Variants in IFT46 observed in about 807,000 individuals in gnomAD.
IFT46 encodes intraflagellar transport protein 46 homolog.
A neutral mutation model predicts 39.6 loss-of-function variants in IFT46; 19 were observed. The ratio of observed to expected loss-of-function variants is 0.48; its 90% confidence interval spans 0.33 to 0.70. The LOEUF (loss-of-function observed/expected upper bound fraction) is 0.70, where lower values mean the gene tolerates loss of function less well. Among genes scored for constraint, IFT46 ranks in the 30% least tolerant of loss-of-function variants. The pLI is 0.01. For synonymous variants in IFT46, 117 were observed against 134.8 expected (o/e 0.87, Z 0.91); for missense variants, 334 against 364.8 (o/e 0.92, Z 0.69).
Position 118,545,816 on chromosome 11 carries a change from G to C in IFT46, c.710C>G (p.Ala237Gly). The C allele has an allele frequency of 6.2e-7, 1 of 1,614,190 alleles. No homozygotes were observed. Among genetic ancestry groups the C allele is most frequent in the Non-Finnish European group, 8.5e-7 (1 of 1,180,014 alleles). Reference protein sequence around the residue: ...LPTAEIDCSLAEYIDMICAIL... With the variant: ...LPTAEIDCSLGEYIDMICAIL... ...ACCACAGATCATGTCAATGTACTCTGCCAGGCTGCAATCAATCTCTGCCGT... is the reference window on the plus strand; with the variant it reads ...ACCACAGATCATGTCAATGTACTCTCCCAGGCTGCAATCAATCTCTGCCGT... The change falls in exon 10 of 12, where the codon GCA (alanine) becomes GGA (glycine). Residue 237 changes from alanine to glycine, a missense_variant. Ala to Gly is a moderately conservative substitution (Grantham distance 60). Coordinates refer to ENST00000264021, the MANE Select transcript of IFT46 (RefSeq NM_001168618.2).
chr11:118,561,171 C>T, intron 2 of IFT46: 1 of 1,417,164 alleles, frequency 7.1e-7, no homozygotes, highest in Non-Finnish European at 9.9e-7. Context: ...GTTTTTGGCA[C>T]CCTGAAGGGA....
rs1555066630 is a variant in IFT46 at position 118,544,913 on chromosome 11, G to A, written c.*3C>T. 2 of 1,603,790 alleles carry A rather than the reference G, an allele frequency of 1.2e-6. No homozygotes were observed. Among genetic ancestry groups the A allele is most frequent in the Admixed American group, 1.7e-5 (1 of 59,934 alleles). The stretch of plus-strand genomic sequence containing the variant: ...GCCTTGAAACAGCAGCTTGGGAAGT[G>A]TCTCAGCTGAAGGTTAATGTCTCCA... On this transcript the variant is annotated 3_prime_UTR_variant, in exon 12 of 12. Transcript: ENST00000264021.
intron 9 of IFT46, 94 bp downstream of exon 9, chr11:118,551,691 GT>G: frequency 1.7e-6 from 1 of 594,550 alleles, no homozygotes; most frequent in Non-Finnish European, 2.8e-6. Context: ...AAAAAAAAAA[GT>G]TACCAATAAT....
At chr11:118,547,006 A>G (rs903123551) in intron 9 of IFT46, 8 of 152,222 alleles carry the variant, frequency 5.3e-5, no homozygotes, top group Non-Finnish European at 1.2e-4. Flanking sequence ...ATTTAACAAC[A>G]TATCACTGAT....
upstream of IFT46, among the ~76,000 whole-genome samples, chr11:118,567,027 G>A (rs1490100361): frequency 1.3e-5 from 2 of 151,900 alleles, no homozygotes; most frequent in Non-Finnish European, 2.9e-5. Flanking sequence ...GAGTTCAGGA[G>A]TTTGAGACCA....
At chr11:118,553,435 G>T (rs1437633808) in intron 7 of IFT46, among the ~76,000 whole-genome samples, 1 of 144,768 alleles carries the variant, frequency 6.9e-6, no homozygotes, top group Non-Finnish European at 1.5e-5. Context: ...GAGTAAAACT[G>T]TCTCAAAAAA....
chr11:118,568,285 C>T (rs950726641), upstream of IFT46, among the ~76,000 whole-genome samples: 8 of 152,164 alleles, frequency 5.3e-5, no homozygotes, highest in African/African-American at 1.9e-4. Context: ...TGAAGTGGCT[C>T]ACGCCTGTAA....
In IFT46 at chr11:118,560,434, TGGGAGGGGAA is replaced by T. The variant is rs1456902840; in HGVS notation, c.-35-580_-35-571del. 1.7e-3 allele frequency: 101 copies of T among 58,416 alleles called. 3 individuals are homozygous for T. The highest frequency in any genetic ancestry group is 2.5e-3 in the Admixed American group (9 of 3,558). The allele number at this position is 58,416 out of a possible 1,614,324, so 3.6% of individuals were successfully genotyped here. On this transcript the variant is annotated intron_variant, in intron 2 of 11. Coordinates refer to ENST00000264021, the MANE Select transcript of IFT46 (RefSeq NM_001168618.2). Reference sequence around the variant, plus strand: ...GAGTGAGAGCCTGTCAGAAACGGAATGGGAGGGGAAGGGAGGGGAGGGGAGGGGAGGGGAG... The same window carrying T: ...GAGTGAGAGCCTGTCAGAAACGGAATGGGAGGGGAGGGGAGGGGAGGGGAG...
intron 9 of IFT46, 44 bp from the exon 10 acceptor site, chr11:118,545,897 G>A (rs782249553): frequency 6.4e-7 from 1 of 1,564,728 alleles, no homozygotes; most frequent in Non-Finnish European, 8.8e-7. Flanking sequence ...GATGGTGTCA[G>A]TGGTCCCAGA....
intron 4 of IFT46, among the ~76,000 whole-genome samples, chr11:118,555,860 T>A (rs1004212910): frequency 1.3e-5 from 2 of 151,650 alleles, no homozygotes; most frequent in East Asian, 3.9e-4. Context: ...AAGGCAGAGG[T>A]TGCAGTGAGC....
intron 10 of IFT46, 61 bp downstream of exon 10, chr11:118,545,732 T>C: frequency 1.3e-6 from 2 of 1,533,748 alleles, no homozygotes; most frequent in Admixed American, 3.3e-5. Flanking sequence ...AACAAGCCTG[T>C]CCAAAAGCCT....
chr11:118,548,079 CTT>C (rs1951736706), intron 9 of IFT46, among the ~76,000 whole-genome samples: 1 of 137,994 alleles, frequency 7.2e-6, no homozygotes, highest in Non-Finnish European at 1.5e-5. Flanking sequence ...AGAAGAGTCT[CTT>C]ATTGTTGCCC....
chr11:118,553,275 C>G (rs547180776), intron 7 of IFT46, among the ~76,000 whole-genome samples: 1 of 151,958 alleles, frequency 6.6e-6, no homozygotes, highest in South Asian at 2.1e-4. Flanking sequence ...AACCCTGACT[C>G]TACTAAAAAT....
Position 118,557,054 on chromosome 11 carries a change from G to C in IFT46, c.46-9C>G, listed in dbSNP as rs782060307. ...GAGGTCTTCTTCTTCTCCTGTGATAGGGCAGGGCAGGCATAGAAAGCTTCA... is the reference window on the plus strand; with the variant it reads ...GAGGTCTTCTTCTTCTCCTGTGATACGGCAGGGCAGGCATAGAAAGCTTCA... On this transcript the variant is annotated splice_polypyrimidine_tract_variant and intron_variant, in intron 3 of 11. Transcript: ENST00000264021. 1 of 1,587,202 alleles carries C rather than the reference G, an allele frequency of 6.3e-7. No homozygotes were observed. The highest frequency in any genetic ancestry group is 2.3e-5 in the East Asian group (1 of 44,316).
intron 9 of IFT46, among the ~76,000 whole-genome samples, chr11:118,551,314 C>T (rs1471537513): frequency 6.8e-6 from 1 of 147,522 alleles, no homozygotes; most frequent in Non-Finnish European, 1.5e-5. Flanking sequence ...TGGAGGTTGC[C>T]GTGAGCTGAG....
chr11:118,559,206 A>T (rs1937947580), intron 3 of IFT46, among the ~76,000 whole-genome samples: 1 of 151,968 alleles, frequency 6.6e-6, no homozygotes, highest in Non-Finnish European at 1.5e-5. Flanking sequence ...GTGCAACTCT[A>T]AGGTCCTATA....
At chr11:118,572,637 G>T (rs547050747) in exon 1 of IFT46, 9 of 1,532,250 alleles carry the variant, frequency 5.9e-6, no homozygotes, top group Non-Finnish European at 8.0e-6. Context: ...GGCCGGAGGA[G>T]CCCCGCCCTG....
upstream of IFT46, among the ~76,000 whole-genome samples, chr11:118,568,627 C>T (rs144437068): frequency 6.6e-6 from 1 of 151,880 alleles, no homozygotes; most frequent in East Asian, 1.9e-4. Flanking sequence ...TTTTTTAGGA[C>T]ATTTCATCAT....
chr11:118,574,702 C>G (rs1555073133), upstream of IFT46, among the ~76,000 whole-genome samples: 1 of 152,034 alleles, frequency 6.6e-6, no homozygotes, highest in African/African-American at 2.4e-5. Context: ...AATGCAGAAA[C>G]AAATGCTTTC....
Sources: gnomAD v4.1 joint callset for allele counts (sites outside exome capture counted in the v4.1 genomes callset) on GRCh38, gnomAD v4.1.1 for gene constraint, MANE v1.5 for transcripts, NCBI Gene and HGNC (gene_info 2026-07-23, HGNC 2026-07-21) for gene names.